Variants in ASPHD2 observed in about 807,000 individuals in gnomAD.
ASPHD2 encodes the protein aspartate beta-hydroxylase domain-containing protein 2.
ASPHD2 carries 12 observed loss-of-function variants against 34.6 expected under a neutral mutation model. The ratio of observed to expected loss-of-function variants is 0.35; its 90% confidence interval spans 0.22 to 0.56. The LOEUF (loss-of-function observed/expected upper bound fraction) is 0.56. ASPHD2 is among the 20% of genes least tolerant of loss of function. The pLI is 0.87. For missense variants in ASPHD2, 375 were observed against 505.0 expected (o/e 0.74, Z 2.47); for synonymous variants, 224 against 212.2 (o/e 1.06, Z -0.48).
At chr22:26,441,579 C>T (rs1403443106) in intron 2 of ASPHD2, among the ~76,000 whole-genome samples, 1 of 149,720 alleles carries the variant, frequency 6.7e-6, no homozygotes, top group Non-Finnish European at 1.5e-5. Flanking sequence ...CTCTTGAGGT[C>T]AGGAGTTCGA....
chr22:26,439,915 A>G (rs1354340538), intron 2 of ASPHD2, among the ~76,000 whole-genome samples: 1 of 152,252 alleles, frequency 6.6e-6, no homozygotes, highest in Non-Finnish European at 1.5e-5. Context: ...TGGTTCAAAG[A>G]ATACATTAAA....
chr22:26,435,761 A>AAAAGG (rs1568983000), intron 2 of ASPHD2, among the ~76,000 whole-genome samples: 1 of 126,598 alleles, frequency 7.9e-6, no homozygotes, highest in African/African-American at 3.0e-5. Flanking sequence ...AAAAGAAAAG[A>AAAAGG]AAAATATAAT....
chr22:26,440,085 C>A (rs1259797113), intron 2 of ASPHD2, among the ~76,000 whole-genome samples: 1 of 152,184 alleles, frequency 6.6e-6, no homozygotes, highest in Non-Finnish European at 1.5e-5. Context: ...GACTCTGCTT[C>A]CCCCTGGGTG....
At chr22:26,440,854 G>A (rs1321657018) in intron 2 of ASPHD2, among the ~76,000 whole-genome samples, 1 of 152,228 alleles carries the variant, frequency 6.6e-6, no homozygotes, top group Admixed American at 6.5e-5. Flanking sequence ...GGAGACTACA[G>A]TAAACACAGT....
At chr22:26,438,744 G>T (rs1390238840) in intron 2 of ASPHD2, among the ~76,000 whole-genome samples, 1 of 150,728 alleles carries the variant, frequency 6.6e-6, no homozygotes, top group Non-Finnish European at 1.5e-5. Context: ...ATGATCACAA[G>T]GTCCCACAAT....
chr22:26,438,596 C>CAT (rs1568984056), intron 2 of ASPHD2, among the ~76,000 whole-genome samples: 28 of 106,678 alleles, frequency 2.6e-4, no homozygotes, highest in South Asian at 3.1e-4. Context: ...CATATATATA[C>CAT]ACACATATAT....
chr22:26,443,284 C>A lies in ASPHD2; in HGVS notation c.*78C>A. On this transcript the variant is annotated 3_prime_UTR_variant, in exon 4 of 4. Transcript: ENST00000215906. ...GACTGTGGTCCGGTCCAGTCCCTAC[C>A]GGTGTTGTTTCCATGCTCAGAAACC... is the stretch of plus-strand genomic sequence containing the variant. 4 of 1,233,112 alleles carry A rather than the reference C, an allele frequency of 3.2e-6. No homozygotes were observed. Among genetic ancestry groups the A allele is most frequent in the Non-Finnish European group, 4.7e-6 (4 of 843,940 alleles). 76.4% of individuals were successfully genotyped at this position (1,233,112 alleles called of 1,614,324 possible). A position where few individuals can be genotyped will look rare whatever the true frequency, so the allele number is the denominator to read the frequency against.
intron 2 of ASPHD2, among the ~76,000 whole-genome samples, chr22:26,438,632 T>TACAC (rs1173290129): frequency 1.1e-4 from 6 of 54,326 alleles, no homozygotes; most frequent in South Asian, 7.7e-4. Context: ...CACATATATA[T>TACAC]ACATATATAT....
At chr22:26,440,129 C>T (rs1390895815) in intron 2 of ASPHD2, among the ~76,000 whole-genome samples, 1 of 152,090 alleles carries the variant, frequency 6.6e-6, no homozygotes, top group East Asian at 1.9e-4. Context: ...TGACCCAACC[C>T]CTTCTGAAAT....
In ASPHD2 at chr22:26,433,370, T is replaced by C. The variant is rs1433556199; in HGVS notation, c.-224-22T>C. On this transcript the variant is annotated intron_variant, in intron 1 of 3. Coordinates refer to ENST00000215906, the MANE Select transcript of ASPHD2 (RefSeq NM_020437.5). This position sits in a 1 kb window ranked among gnomAD's most constrained non-coding sequence, Gnocchi z 5.1. ...ACTTTTCCAGGTGTAAAATTTATGC[T>C]GATTTTTTTTTTCCATCCCAGGTTT... 2.2e-6 allele frequency: 1 copy of C among 446,470 alleles called. No individual in the cohort carries two copies. Among genetic ancestry groups the C allele is most frequent in the Non-Finnish European group, 3.9e-6 (1 of 254,424 alleles). 27.7% of individuals were successfully genotyped at this position (446,470 alleles called of 1,614,324 possible). A position where few individuals can be genotyped will look rare whatever the true frequency, so the allele number is the denominator to read the frequency against.
At chr22:26,432,112 T>C (rs1042938885) in intron 1 of ASPHD2, among the ~76,000 whole-genome samples, 1 of 152,200 alleles carries the variant, frequency 6.6e-6, no homozygotes, top group African/African-American at 2.4e-5. Context: ...GGAGAATCAC[T>C]TGAACCTGGA....
intron 2 of ASPHD2, among the ~76,000 whole-genome samples, chr22:26,437,095 A>G (rs2084797368): frequency 6.6e-6 from 1 of 152,246 alleles, no homozygotes; most frequent in South Asian, 2.1e-4. Flanking sequence ...CCACATTAAT[A>G]TCCACCCAGG....
At chr22:26,440,122 C>T (rs1221189486) in intron 2 of ASPHD2, among the ~76,000 whole-genome samples, 1 of 152,072 alleles carries the variant, frequency 6.6e-6, no homozygotes, top group Non-Finnish European at 1.5e-5. Context: ...GTTGGGCTGA[C>T]CCAACCCCTT....
chr22:26,434,836 A>G (rs954107807), intron 2 of ASPHD2, among the ~76,000 whole-genome samples: 1 of 152,222 alleles, frequency 6.6e-6, no homozygotes, highest in Non-Finnish European at 1.5e-5. Flanking sequence ...TAACTGAGGA[A>G]CTAAATTTTA....
chr22:26,433,683 ACT>A lies in ASPHD2; in HGVS notation c.70_71del (p.Ser24ProfsTer88). ...ACCTTGCTTCACACGCCCAGTAAGGACTCCCCCAAGATGTCGCTCGAGTGGCT... is the reference window on the plus strand; with the variant it reads ...ACCTTGCTTCACACGCCCAGTAAGGACCCCCAAGATGTCGCTCGAGTGGCT... On this transcript the variant is annotated frameshift_variant, in exon 2 of 4. Transcript: ENST00000215906. LOFTEE classifies it high-confidence loss of function. The surrounding 1 kb of genome is among the most constrained non-coding windows in gnomAD (Gnocchi z 5.1). The A allele has an allele frequency of 6.2e-7, 1 of 1,613,238 alleles. No homozygotes were observed. Among genetic ancestry groups the A allele is most frequent in the Non-Finnish European group, 8.5e-7 (1 of 1,179,844 alleles).
At chr22:26,438,470 C>CAT (rs376290077) in intron 2 of ASPHD2, among the ~76,000 whole-genome samples, 50,568 of 143,204 alleles carry the variant, frequency 0.35, 9,896 homozygotes, top group South Asian at 0.47. Flanking sequence ...TACACACACA[C>CAT]ATATATATAC....
chr22:26,430,046 A>C (rs1289275468), intron 1 of ASPHD2, among the ~76,000 whole-genome samples: 2 of 149,242 alleles, frequency 1.3e-5, no homozygotes, highest in African/African-American at 2.5e-5. Flanking sequence ...CCTCTTTCCC[A>C]CTCTCCAGGG....
At chr22:26,438,052 C>G (rs1406407135) in intron 2 of ASPHD2, among the ~76,000 whole-genome samples, 1 of 152,124 alleles carries the variant, frequency 6.6e-6, no homozygotes, top group African/African-American at 2.4e-5. Flanking sequence ...GGGTGTCAAG[C>G]CAGCAGGCCA....
At chr22:26,440,344 C>G (rs1214498442) in intron 2 of ASPHD2, among the ~76,000 whole-genome samples, 2 of 151,768 alleles carry the variant, frequency 1.3e-5, no homozygotes, top group African/African-American at 4.8e-5. Flanking sequence ...ACTCTGTTGC[C>G]CAGGCTGGAG....
Sources: allele counts gnomAD v4.1 joint callset (sites outside exome capture counted in the v4.1 genomes callset), GRCh38; gene constraint gnomAD v4.1.1; non-coding constraint Gnocchi (gnomAD v3.1); transcripts MANE v1.5; gene names NCBI Gene and HGNC (gene_info 2026-07-23, HGNC 2026-07-21).